CDC42BPA: variants seen among roughly 807,000 people sequenced by gnomAD.
The protein encoded by CDC42BPA is serine/threonine-protein kinase MRCK alpha.
In CDC42BPA, 80 loss-of-function variants were observed where a neutral mutation model predicts 223.5. That is an observed-to-expected ratio of 0.36 (90% CI 0.30 to 0.43). The LOEUF (loss-of-function observed/expected upper bound fraction) is 0.43. Among genes scored for constraint, CDC42BPA ranks in the 20% least tolerant of loss-of-function variants. The pLI, the probability that CDC42BPA is intolerant of heterozygous loss-of-function variation, is 1.00. For synonymous variants in CDC42BPA, 694 were observed against 718.6 expected, an observed-to-expected ratio of 0.97 and a Z score of 0.55; for missense variants, 1,743 against 2,099.9, an observed-to-expected ratio of 0.83 and a Z score of 3.32.
In CDC42BPA at chr1:227,036,468, G is replaced by A. The variant is rs542731260; in HGVS notation, c.3200-861C>T. Among the ~76,000 whole-genome samples the A allele has an allele frequency of 8.6e-4, 104 of 120,484 alleles. 1 individual carries two copies. The highest frequency in any genetic ancestry group is 1.7e-3 in the Admixed American group (15 of 8,682). 79.0% of individuals were successfully genotyped at this position (120,484 alleles called of 152,430 possible). On this transcript the variant is annotated intron_variant, in intron 24 of 36. Transcript: ENST00000366766. Reference sequence around the variant, plus strand: ...TTTTGAGACGGAGTCTCGCTCTGTCGCCCAGGCTGGAGTGCGGTGGTGCAA... The same window carrying A: ...TTTTGAGACGGAGTCTCGCTCTGTCACCCAGGCTGGAGTGCGGTGGTGCAA...
intron 6 of CDC42BPA, among the ~76,000 whole-genome samples, chr1:227,157,415 CT>C (rs1229523444): frequency 6.6e-5 from 10 of 152,148 alleles, no homozygotes; most frequent in Admixed American, 4.6e-4. Flanking sequence ...TCCTTCAGCA[CT>C]TTAAAGACAT....
At chr1:227,045,978 G>C (rs745924507) in intron 23 of CDC42BPA, among the ~76,000 whole-genome samples, 15 of 151,920 alleles carry the variant, frequency 9.9e-5, no homozygotes, top group Non-Finnish European at 1.9e-4. Flanking sequence ...GCTAATTTTT[G>C]TATTTTTCAT....
chr1:227,315,237 T>C (rs1263070308), intron 1 of CDC42BPA, among the ~76,000 whole-genome samples: 1 of 135,440 alleles, frequency 7.4e-6, no homozygotes. Context: ...TATAAAAATA[T>C]ACATAAATGA....
intron 20 of CDC42BPA, among the ~76,000 whole-genome samples, 188 bp downstream of exon 20, chr1:227,072,020 A>G (rs1283548215): frequency 1.3e-5 from 2 of 151,940 alleles, no homozygotes; most frequent in Non-Finnish European, 2.9e-5. Flanking sequence ...AAAATGACTC[A>G]GAGGTCAGTC....
intron 1 of CDC42BPA, among the ~76,000 whole-genome samples, chr1:227,302,003 A>G (rs1314881558): frequency 1.3e-5 from 2 of 152,146 alleles, no homozygotes; most frequent in African/African-American, 2.4e-5. Flanking sequence ...TCCTCTCAAG[A>G]TGTTCATCCA....
At chr1:227,092,855 C>T (rs1429182264) in intron 15 of CDC42BPA, among the ~76,000 whole-genome samples, 1 of 152,154 alleles carries the variant, frequency 6.6e-6, no homozygotes. Context: ...TTCTTCAGAA[C>T]CACTGAGAGG....
intron 2 of CDC42BPA, among the ~76,000 whole-genome samples, chr1:227,222,052 CAAAAAAAAAAAAA>C (rs60588018): frequency 8.1e-5 from 7 of 86,496 alleles, no homozygotes; most frequent in East Asian, 6.6e-4. Flanking sequence ...CTATCTCTAC[CAAAAAAAAAAAAA>C]AAAAAAAAAA....
intron 14 of CDC42BPA, among the ~76,000 whole-genome samples, chr1:227,107,513 G>A (rs1040873408): frequency 3.9e-5 from 6 of 152,096 alleles, no homozygotes; most frequent in East Asian, 1.9e-4. Flanking sequence ...CTCGACCTCC[G>A]AAGTCTCAGG....
chr1:227,141,138 T>C (rs761398546), intron 9 of CDC42BPA, among the ~76,000 whole-genome samples: 1 of 152,178 alleles, frequency 6.6e-6, no homozygotes, highest in Non-Finnish European at 1.5e-5. Flanking sequence ...TTTAGCAACA[T>C]GTTGGTCAAC....
intron 8 of CDC42BPA, among the ~76,000 whole-genome samples, chr1:227,143,483 C>G (rs1660081339): frequency 6.6e-6 from 1 of 152,196 alleles, no homozygotes; most frequent in African/African-American, 2.4e-5. Flanking sequence ...GTGTCCTCTA[C>G]AGGGTCTCTT....
intron 21 of CDC42BPA, among the ~76,000 whole-genome samples, chr1:227,065,931 T>C (rs1676945635): frequency 6.6e-6 from 1 of 152,132 alleles, no homozygotes; most frequent in Non-Finnish European, 1.5e-5. Flanking sequence ...CTTTAGGTCT[T>C]CAACATAATC....
At chr1:227,168,332 T>G (rs977015285) in intron 5 of CDC42BPA, among the ~76,000 whole-genome samples, 4 of 152,134 alleles carry the variant, frequency 2.6e-5, no homozygotes, top group African/African-American at 9.7e-5. Context: ...TTTAGCTTCT[T>G]TATTTTCTAA....
intron 1 of CDC42BPA, among the ~76,000 whole-genome samples, chr1:227,276,251 G>A (rs1249904609): frequency 5.3e-5 from 8 of 151,608 alleles, no homozygotes; most frequent in South Asian, 2.1e-4. Flanking sequence ...CTGCCCGGCC[G>A]CGACCCCGTC....
At chr1:227,018,925 C>A (rs193163791) in intron 32 of CDC42BPA, among the ~76,000 whole-genome samples, 1 of 152,334 alleles carries the variant, frequency 6.6e-6, no homozygotes, top group East Asian at 1.9e-4. Context: ...GTTGGAGGGT[C>A]TTACCTCGAT....
At chr1:227,312,457 T>C (rs1187479030) in intron 1 of CDC42BPA, among the ~76,000 whole-genome samples, 1 of 152,266 alleles carries the variant, frequency 6.6e-6, no homozygotes, top group African/African-American at 2.4e-5. Flanking sequence ...TATACTGCTA[T>C]ACTAAGGTAT....
At chr1:227,046,131 T>C (rs1266036518) in intron 23 of CDC42BPA, among the ~76,000 whole-genome samples, 1 of 152,088 alleles carries the variant, frequency 6.6e-6, no homozygotes, top group Non-Finnish European at 1.5e-5. Context: ...TTAGATAATT[T>C]TGAAATGTCT....
chr1:227,185,297 TC>T (rs1416469671), intron 5 of CDC42BPA, among the ~76,000 whole-genome samples: 2 of 152,052 alleles, frequency 1.3e-5, no homozygotes, highest in Non-Finnish European at 2.9e-5. Flanking sequence ...AAGCCTTGGG[TC>T]TTAGACCCGG....
chr1:227,094,901 G>A (rs1387623334), intron 15 of CDC42BPA, among the ~76,000 whole-genome samples: 1 of 152,092 alleles, frequency 6.6e-6, no homozygotes, highest in African/African-American at 2.4e-5. Flanking sequence ...GTGCAACCTG[G>A]TCAGCCACCC....
chr1:227,260,068 T>C (rs917797927), intron 1 of CDC42BPA, among the ~76,000 whole-genome samples: 6 of 149,102 alleles, frequency 4.0e-5, no homozygotes, highest in Admixed American at 4.0e-4. Flanking sequence ...AAAGATAATA[T>C]AAATTCCTGA....
Sources: allele counts gnomAD v4.1 joint callset (sites outside exome capture counted in the v4.1 genomes callset), GRCh38; gene constraint gnomAD v4.1.1; transcripts MANE v1.5; gene names NCBI Gene and HGNC (gene_info 2026-07-23, HGNC 2026-07-21).